FANCB: variants seen among roughly 807,000 people sequenced by gnomAD.
FANCB encodes FA complementation group B.
Under a neutral mutation model 38.9 loss-of-function variants are expected in FANCB, and 5 were observed. The observed-to-expected ratio is 0.13, with a 90% confidence interval of 0.07 to 0.27. FANCB has a LOEUF of 0.27. Ranked by LOEUF, FANCB falls within the 10% of genes least tolerant of loss-of-function variation. The pLI is 1.00. For missense variants in FANCB, 573 were observed against 602.7 expected (o/e 0.95, Z 0.52); for synonymous variants, 236 against 215.4 (o/e 1.10, Z -0.84).
chrX:14,718,939 C>T, the FANCB span, among the ~76,000 whole-genome samples: 5 of 111,813 alleles, frequency 4.5e-5, no homozygotes, highest in East Asian at 1.4e-3. Flanking sequence ...AGACCCCTAA[C>T]TCTCAGTAGG....
At chrX:14,812,593 G>T in the FANCB span, among the ~76,000 whole-genome samples, 4 of 109,751 alleles carry the variant, frequency 3.6e-5, no homozygotes, top group Admixed American at 2.9e-4. Context: ...TTGACACATA[G>T]ACCCTCCCAA....
chrX:14,695,341 A>T, the FANCB span, among the ~76,000 whole-genome samples: 2 of 111,740 alleles, frequency 1.8e-5, no homozygotes, highest in East Asian at 5.6e-4. Flanking sequence ...GGGGGGATAT[A>T]TTTTTTCCAA....
the FANCB span, among the ~76,000 whole-genome samples, chrX:14,821,600 A>G: frequency 8.9e-6 from 1 of 112,013 alleles, no homozygotes; most frequent in East Asian, 2.8e-4. Flanking sequence ...GACATATATA[A>G]CCTAGTTATT....
At chrX:14,778,168 A>C in the FANCB span, among the ~76,000 whole-genome samples, 12 of 112,271 alleles carry the variant, frequency 1.1e-4, no homozygotes, top group Non-Finnish European at 5.6e-5. Flanking sequence ...ATGGTTTCTG[A>C]GGTTGAAATA....
intron 7 of FANCB, among the ~76,000 whole-genome samples, chrX:14,848,548 C>T (rs1029033034): frequency 8.9e-6 from 1 of 111,812 alleles, no homozygotes; most frequent in South Asian, 3.7e-4. Context: ...GCTTCACGTC[C>T]TGTTTCCATG....
In FANCB at chrX:14,845,756, G is replaced by A. The variant is rs181502497; in HGVS notation, c.1497-470C>T. Among the ~76,000 whole-genome samples, 19 of 111,381 alleles carry A rather than the reference G, an allele frequency of 1.7e-4. No individual in the cohort carries two copies. The East Asian group carries it at 5.3e-3, about 31-fold the overall frequency. ...TGCAAACAGCTCTAAACTAAAAATTGTATTTTTCGTTCCTCTAAACGACTT... is the reference window on the plus strand; with the variant it reads ...TGCAAACAGCTCTAAACTAAAAATTATATTTTTCGTTCCTCTAAACGACTT... On this transcript the variant is annotated intron_variant, in intron 7 of 9. Transcript: ENST00000650831.
chrX:14,712,322 CA>C, the FANCB span, among the ~76,000 whole-genome samples: 4 of 111,870 alleles, frequency 3.6e-5, no homozygotes, highest in Non-Finnish European at 5.6e-5. Flanking sequence ...TTGTGACAAC[CA>C]AAATGTCTCC....
At chrX:14,804,707 T>C in the FANCB span, among the ~76,000 whole-genome samples, 1 of 112,470 alleles carries the variant, frequency 8.9e-6, no homozygotes. Context: ...GAAAACTTAG[T>C]ACATCTTCTA....
the FANCB span, among the ~76,000 whole-genome samples, chrX:14,745,786 G>A: frequency 5.5e-5 from 5 of 90,193 alleles, no homozygotes; most frequent in African/African-American, 1.3e-4. Flanking sequence ...TGCAAGCTCC[G>A]CCTCCCGGGT....
chrX:14,866,802 T>C (rs984003405), intron 2 of FANCB, among the ~76,000 whole-genome samples: 2 of 111,746 alleles, frequency 1.8e-5, no homozygotes, highest in African/African-American at 6.5e-5. Flanking sequence ...AAACTGTCCT[T>C]GTTTGCAGAT....
intron 9 of FANCB, among the ~76,000 whole-genome samples, chrX:14,844,290 T>C (rs1025469154): frequency 9.0e-6 from 1 of 111,258 alleles, no homozygotes; most frequent in African/African-American, 3.3e-5. Context: ...AAATAATTAC[T>C]AGGCACTAAA....
At chrX:14,815,380 A>G in the FANCB span, among the ~76,000 whole-genome samples, 2,417 of 111,708 alleles carry the variant, frequency 0.022, 59 homozygotes, top group African/African-American at 0.063. Flanking sequence ...AGGTAAAAAA[A>G]AAAAGAAAAG....
chrX:14,724,436 G>A, the FANCB span, among the ~76,000 whole-genome samples: 2 of 108,869 alleles, frequency 1.8e-5, no homozygotes, highest in African/African-American at 3.4e-5. Context: ...GACCAGCCTG[G>A]CCAAAATGGT....
chrX:14,752,980 G>GACACACAC, the FANCB span, among the ~76,000 whole-genome samples: 7 of 68,487 alleles, frequency 1.0e-4, no homozygotes, highest in East Asian at 4.8e-4. Context: ...CTCTCTCTCT[G>GACACACAC]ACACACACAC....
the FANCB span, among the ~76,000 whole-genome samples, chrX:14,789,372 T>C: frequency 2.7e-5 from 3 of 111,490 alleles, no homozygotes; most frequent in South Asian, 1.1e-3. Context: ...TCCCAGCACT[T>C]TGAGGGGCCA....
downstream of FANCB, chrX:14,835,059 G>T: frequency 1.8e-6 from 1 of 567,962 alleles, no homozygotes. Flanking sequence ...GCCCCCAAGG[G>T]AAAGCTTTGG....
the FANCB span, among the ~76,000 whole-genome samples, chrX:14,787,876 AATATATATATATATATAT>A: frequency 0.033 from 1,363 of 41,675 alleles, 31 homozygotes; most frequent in Non-Finnish European, 0.042. Flanking sequence ...TTAAAAATAG[AATATATATATATATATAT>A]ATATATATAT....
chrX:14,811,915 T>C, the FANCB span, among the ~76,000 whole-genome samples: 2 of 111,628 alleles, frequency 1.8e-5, no homozygotes, highest in African/African-American at 6.5e-5. Context: ...TAGTTGGAAG[T>C]AAAGCTCTCC....
chrX:14,699,196 C>A, the FANCB span, among the ~76,000 whole-genome samples: 1 of 111,937 alleles, frequency 8.9e-6, no homozygotes, highest in South Asian at 3.7e-4. Flanking sequence ...AATATGTGCA[C>A]CATGTGAAGT....
Sources: gnomAD v4.1 joint callset for allele counts (sites outside exome capture counted in the v4.1 genomes callset) on GRCh38, gnomAD v4.1.1 for gene constraint, MANE v1.5 for transcripts, NCBI Gene and HGNC (gene_info 2026-07-23, HGNC 2026-07-21) for gene names.